POTEI: variants seen among roughly 807,000 people sequenced by gnomAD.
POTEI encodes POTE ankyrin domain family, member I.
In POTEI, 14 loss-of-function variants were observed where a neutral mutation model predicts 43.4. That is an observed-to-expected ratio of 0.32 (90% confidence interval 0.21 to 0.50). POTEI has a LOEUF of 0.50. POTEI is among the 20% of genes least tolerant of loss of function. The pLI, the probability that POTEI is intolerant of heterozygous loss-of-function variation, is 0.98. For synonymous variants in POTEI, 95 were observed against 297.9 expected, an observed-to-expected ratio of 0.32 and a Z score of 7.01; for missense variants, 235 against 795.4, an observed-to-expected ratio of 0.30 and a Z score of 8.47.
intron 6 of POTEI, among the ~76,000 whole-genome samples, chr2:130,491,158 T>C (rs1013051210): frequency 2.3e-5 from 3 of 129,710 alleles, no homozygotes; most frequent in Admixed American, 8.4e-5. Flanking sequence ...GGAAAGGTCA[T>C]GGTGACCCTG....
rs1193429442 is a variant in POTEI, at chr2:130,460,071, G to A, written c.*2745C>T. Reference sequence around the variant, plus strand: ...GGAGAGGCAATGTGCAGGCTGGTGCGTGGCTCTAGGGGCCACCTTGCTGCA... The same window carrying A: ...GGAGAGGCAATGTGCAGGCTGGTGCATGGCTCTAGGGGCCACCTTGCTGCA... On this transcript the variant is annotated 3_prime_UTR_variant, in exon 15 of 15. Transcript: ENST00000451531. 6 of 150,530 alleles carry A rather than the reference G, an allele frequency of 4.0e-5. No individual in the cohort carries two copies. Among genetic ancestry groups the A allele is most frequent in the East Asian group, 1.9e-4 (1 of 5,146 alleles). The allele number at this position is 150,530 out of a possible 1,614,324, so 9.3% of individuals were successfully genotyped here.
At chr2:130,493,928 C>T (rs1683833411) in intron 6 of POTEI, among the ~76,000 whole-genome samples, 1 of 37,662 alleles carries the variant, frequency 2.7e-5, no homozygotes, top group Non-Finnish European at 5.6e-5. Context: ...GGGTGAAAAC[C>T]TTGTAATACA....
intron 9 of POTEI, among the ~76,000 whole-genome samples, chr2:130,483,982 T>C (rs995311045): frequency 1.3e-4 from 19 of 150,040 alleles, no homozygotes; most frequent in African/African-American, 3.5e-4. Flanking sequence ...ACATCCAATA[T>C]GCTAAGCCTT....
chr2:130,493,844 T>A (rs2599851), intron 6 of POTEI, among the ~76,000 whole-genome samples: 2,801 of 35,418 alleles, frequency 0.079, 1,032 homozygotes, highest in African/African-American at 0.24. Context: ...AAAAAGCATA[T>A]CACCAAAAAA....
chr2:130,493,014 T>C (rs1305886040), intron 6 of POTEI, among the ~76,000 whole-genome samples: 2 of 146,364 alleles, frequency 1.4e-5, no homozygotes, highest in Non-Finnish European at 3.0e-5. Context: ...TTGTTATTTA[T>C]ATATTGCTTT....
At position 130,461,578 on chromosome 2, in the gene POTEI, G is replaced by A. The variant is rs535648141; in HGVS notation, c.*1238C>T. ...GGCTAGTCACCGAAAGAGCAAAGGT[G>A]GGGGCCTGCCCCTCTCCGGGAGCTC... On this transcript the variant is annotated 3_prime_UTR_variant, in exon 15 of 15. Coordinates refer to ENST00000451531, the MANE Select transcript of POTEI (RefSeq NM_001277406.2). 2.6e-3 allele frequency: 390 copies of A among 152,186 alleles called. No individual in the cohort carries two copies. Among genetic ancestry groups the A allele is most frequent in the African/African-American group, 8.3e-3 (342 of 41,442 alleles). 9.4% of individuals were successfully genotyped at this position (152,186 alleles called of 1,614,324 possible). A position where few individuals can be genotyped will look rare whatever the true frequency, so the allele number is the denominator to read the frequency against.
At chr2:130,507,475 T>C (rs1157348337) in intron 1 of POTEI, among the ~76,000 whole-genome samples, 1 of 81,156 alleles carries the variant, frequency 1.2e-5, no homozygotes, top group African/African-American at 5.3e-5. Context: ...GGTATGTTTC[T>C]CCTTTTGTAT....
rs1205676092 is a variant in POTEI, at chr2:130,479,985, A to G, written c.1480+2018T>C. 1.1e-3 allele frequency among the ~76,000 whole-genome samples: 51 copies of G among 44,876 alleles called. 5 individuals carry two copies. The highest frequency in any genetic ancestry group is 1.6e-3 in the Non-Finnish European group (37 of 22,856). The allele number at this position is 44,876 out of a possible 152,430, so 29.4% of individuals were successfully genotyped here. A position where few individuals can be genotyped will look rare whatever the true frequency, so the allele number is the denominator to read the frequency against. ...ATGAGCATGTGGTGTGACCCAGCCA[A>G]TGAAATGTTACAGGAAGCCCCTTGC... On this transcript the variant is annotated intron_variant, in intron 10 of 14. Coordinates refer to ENST00000451531, the MANE Select transcript of POTEI (RefSeq NM_001277406.2).
intron 13 of POTEI, among the ~76,000 whole-genome samples, chr2:130,468,704 G>GT (rs780514042): frequency 0.12 from 9,223 of 74,524 alleles, 75 homozygotes; most frequent in East Asian, 0.25. Flanking sequence ...CCAAACTATT[G>GT]GGGGGGGGGG....
chr2:130,505,016 G>A (rs1684116912), intron 1 of POTEI, among the ~76,000 whole-genome samples: 1 of 143,112 alleles, frequency 7.0e-6, no homozygotes, highest in African/African-American at 2.6e-5. Flanking sequence ...CATTACCCAG[G>A]TGTTAAGCCC....
At chr2:130,488,699 C>A (rs1188384034) in intron 8 of POTEI, among the ~76,000 whole-genome samples, 1 of 116,590 alleles carries the variant, frequency 8.6e-6, no homozygotes, top group African/African-American at 3.2e-5. Context: ...TACCCCACTG[C>A]CTTTGAGCAT....
At chr2:130,464,743 A>T in intron 14 of POTEI, among the ~76,000 whole-genome samples, 1 of 148,032 alleles carries the variant, frequency 6.8e-6, no homozygotes, top group Non-Finnish European at 1.5e-5. Context: ...ACCCTTCTAC[A>T]CTGTACACAT....
intron 1 of POTEI, among the ~76,000 whole-genome samples, chr2:130,507,325 CACACACACACACAT>C (rs1558895943): frequency 1.1e-4 from 1 of 8,928 alleles, no homozygotes; most frequent in Non-Finnish European, 4.7e-4. Context: ...TATACACACA[CACACACACACACAT>C]ATATATGTAT....
At chr2:130,477,178 C>T (rs2878788) in intron 10 of POTEI, among the ~76,000 whole-genome samples, 12 of 147,468 alleles carry the variant, frequency 8.1e-5, no homozygotes, top group Non-Finnish European at 1.2e-4. Context: ...TTTTTATGAA[C>T]CAGGGTCTTC....
At position 130,463,617 on chromosome 2, in the gene POTEI, G is replaced by C; in HGVS notation, c.2427C>G (p.Pro809=). Residue 809 remains proline (P), a synonymous_variant, in exon 15 of 15, where the codon CCC becomes CCG. Coordinates refer to ENST00000451531, the MANE Select transcript of POTEI (RefSeq NM_001277406.2). ...EEHPILLTEA[P]LNPKANREKM... ...TCTCGCGGTTGGCCTTGGGGTTCAG[G>C]GGGGCCTCGGTCAGCAGGATGGGGT... The C allele has an allele frequency of 3.1e-6, 5 of 1,606,312 alleles. No individual in the cohort carries two copies. The highest frequency in any genetic ancestry group is 4.2e-6 in the Non-Finnish European group (5 of 1,179,198).
chr2:130,477,730 A>T (rs2105073872), intron 10 of POTEI, among the ~76,000 whole-genome samples: 1 of 139,000 alleles, frequency 7.2e-6, no homozygotes, highest in South Asian at 2.4e-4. Flanking sequence ...TTTAAAAAGA[A>T]TTAAAATAAA....
intron 13 of POTEI, among the ~76,000 whole-genome samples, chr2:130,473,648 A>G (rs1476130901): frequency 4.3e-5 from 1 of 23,338 alleles, no homozygotes; most frequent in African/African-American, 4.7e-5. Flanking sequence ...TAATAATACT[A>G]TAATAAATGT....
At position 130,508,987 on chromosome 2, in the gene POTEI, A is replaced by C. The variant is rs1684259961; in HGVS notation, c.249T>G (p.Ser83=). Residue 83 remains serine (S), a synonymous_variant, in exon 1 of 15, where the codon TCT becomes TCG. Transcript: ENST00000451531. ...RGSGKSNVGT[S]GDHDDSAMKT... ...TCATAGCGGAGTCGTCGTGGTCTCC[A>C]GAAGTGCCCACGTTGCTCTTGCCAC... 3 of 1,514,980 alleles carry C rather than the reference A, an allele frequency of 2.0e-6. No individual in the cohort carries two copies. Among genetic ancestry groups the C allele is most frequent in the African/African-American group, 1.4e-5 (1 of 69,878 alleles). 93.8% of individuals were successfully genotyped at this position (1,514,980 alleles called of 1,614,324 possible). A position where few individuals can be genotyped will look rare whatever the true frequency, so the allele number is the denominator to read the frequency against.
At chr2:130,480,596 C>T (rs1232956478) in intron 10 of POTEI, among the ~76,000 whole-genome samples, 5 of 130,388 alleles carry the variant, frequency 3.8e-5, no homozygotes, top group Non-Finnish European at 8.1e-5. Flanking sequence ...TGCATGCTTA[C>T]ATTAAATCCT....
Sources: allele counts gnomAD v4.1 joint callset (sites outside exome capture counted in the v4.1 genomes callset), GRCh38; gene constraint gnomAD v4.1.1; transcripts MANE v1.5; gene names NCBI Gene and HGNC (gene_info 2026-07-23, HGNC 2026-07-21).